The following UBR1 variants were observed in gnomAD, a reference collection of about 807,000 sequenced individuals.
UBR1 encodes the protein ubiquitin protein ligase E3 component n-recognin 1.
UBR1 carries 102 observed loss-of-function variants against 242.1 expected under a neutral mutation model. That is an observed-to-expected ratio of 0.42 (90% CI 0.36 to 0.50). The LOEUF (loss-of-function observed/expected upper bound fraction) is 0.50. Ranked by LOEUF, UBR1 falls within the 20% of genes least tolerant of loss-of-function variation. The pLI is 0.01. For synonymous variants in UBR1, 675 were observed against 684.8 expected, an observed-to-expected ratio of 0.99 and a Z score of 0.22; for missense variants, 1,772 against 2,101.8, an observed-to-expected ratio of 0.84 and a Z score of 3.07.
At position 43,058,422 on chromosome 15, in the gene UBR1, A is replaced by T. The variant is rs751730584; in HGVS notation, c.1101T>A (p.Arg367=). The change falls in exon 10 of 47, where the codon CGT becomes CGA. Residue 367 remains arginine (R), a synonymous_variant. Transcript: ENST00000290650. ...TGAAGATCAATTCATGAAGGATCTT[A>T]CGGGCACCTATAGATTATTTTGGGG... ...LWDAKLYKGA[R]KILHELIFSS... is the part of the protein sequence containing the mutation. 2 of 1,610,456 alleles carry T rather than the reference A, an allele frequency of 1.2e-6. No homozygotes were observed. Among genetic ancestry groups the T allele is most frequent in the Non-Finnish European group, 1.7e-6 (2 of 1,178,038 alleles).
At position 43,056,395 on chromosome 15, in the gene UBR1, T is replaced by TC; in HGVS notation, c.1229dup (p.Ser411LysfsTer23). 6.2e-7 allele frequency: 1 copy of TC among 1,612,610 alleles called. No individual in the cohort carries two copies. The highest frequency in any genetic ancestry group is 8.5e-7 in the Non-Finnish European group (1 of 1,178,732). On this transcript the variant is annotated frameshift_variant, in exon 11 of 47. Coordinates refer to ENST00000290650, the MANE Select transcript of UBR1 (RefSeq NM_174916.3). LOFTEE classifies it high-confidence loss of function. ...CTGAAAGTGCAGTTATAGAGATACT[T>TC]CTGTCATGATCATCACTGATATATT...
chr15:43,019,904 G>A (rs752899231), intron 27 of UBR1, among the ~76,000 whole-genome samples: 9 of 149,716 alleles, frequency 6.0e-5, no homozygotes, highest in East Asian at 2.0e-4. Context: ...GTGCCTGGCC[G>A]GTTTTATGTT....
chr15:43,050,724 A>T (rs1433631360), intron 12 of UBR1, among the ~76,000 whole-genome samples: 2 of 77,164 alleles, frequency 2.6e-5, no homozygotes, highest in East Asian at 5.6e-4. Context: ...ACTCCGTCTT[A>T]AAAAAAAAAA....
chr15:42,989,071 C>T, intron 34 of UBR1, 104 bp from the exon 35 acceptor site: 1 of 970,110 alleles, frequency 1.0e-6, no homozygotes, highest in Non-Finnish European at 1.6e-6. Context: ...CTGCTTTCAA[C>T]ATAAGTAAAC....
At chr15:42,995,398 G>A (rs558900989) in intron 33 of UBR1, among the ~76,000 whole-genome samples, 5 of 151,814 alleles carry the variant, frequency 3.3e-5, no homozygotes, top group South Asian at 2.1e-4. Flanking sequence ...GGTGGCTCAC[G>A]CCTGTAATCC....
At chr15:42,954,984 T>C (rs2031895534) in intron 44 of UBR1, among the ~76,000 whole-genome samples, 1 of 152,110 alleles carries the variant, frequency 6.6e-6, no homozygotes, top group Middle Eastern at 3.4e-3. Context: ...CTGGCCAAGA[T>C]AGTGAAACCC....
intron 6 of UBR1, among the ~76,000 whole-genome samples, chr15:43,063,859 C>G (rs1424665208): frequency 2.6e-5 from 4 of 152,146 alleles, no homozygotes; most frequent in African/African-American, 9.7e-5. Flanking sequence ...GCCTCAGCCT[C>G]CCAAGTAGCT....
intron 13 of UBR1, among the ~76,000 whole-genome samples, chr15:43,047,771 C>T (rs1268876812): frequency 6.6e-6 from 1 of 152,158 alleles, no homozygotes; most frequent in Non-Finnish European, 1.5e-5. Flanking sequence ...GTGCTTGCTG[C>T]ACATGCAAGT....
intron 33 of UBR1, among the ~76,000 whole-genome samples, chr15:42,997,164 T>A (rs1053975019): frequency 2.6e-5 from 4 of 152,166 alleles, no homozygotes; most frequent in Admixed American, 2.0e-4. Flanking sequence ...TAGATTCTCA[T>A]AGGAGCGCAA....
At chr15:43,058,480 A>G (rs1475623843) in intron 9 of UBR1, 51 bp from the exon 10 acceptor site, 3 of 1,293,216 alleles carry the variant, frequency 2.3e-6, no homozygotes, top group Admixed American at 1.8e-5. Context: ...CACCAAGGCA[A>G]AAACCAAAAA....
At chr15:43,022,108 T>C (rs1470707116) in intron 26 of UBR1, among the ~76,000 whole-genome samples, 1 of 152,128 alleles carries the variant, frequency 6.6e-6, no homozygotes, top group African/African-American at 2.4e-5. Context: ...AATAGGTTTT[T>C]GATGTCTTCA....
At chr15:42,993,177 C>A (rs1413009473) in intron 33 of UBR1, among the ~76,000 whole-genome samples, 1 of 152,054 alleles carries the variant, frequency 6.6e-6, no homozygotes, top group Non-Finnish European at 1.5e-5. Flanking sequence ...CTCAGCTGTT[C>A]TTGAGTGAAA....
intron 37 of UBR1, among the ~76,000 whole-genome samples, chr15:42,982,877 A>G (rs1475437041): frequency 6.6e-6 from 1 of 152,214 alleles, no homozygotes; most frequent in Admixed American, 6.5e-5. Flanking sequence ...TTTGGGACTT[A>G]TGAACAAACA....
rs8028608 is a variant in UBR1 at position 43,099,877 on chromosome 15, C to A, written c.81+6065G>T. On this transcript the variant is annotated intron_variant, in intron 1 of 46. Coordinates refer to ENST00000290650, the MANE Select transcript of UBR1 (RefSeq NM_174916.3). ...GTGCTATAGGAACACACAAGAGGTGCCTCTTTTTTTTTTTTTTAGACGGAG... is the reference window on the plus strand; with the variant it reads ...GTGCTATAGGAACACACAAGAGGTGACTCTTTTTTTTTTTTTTAGACGGAG... Among the ~76,000 whole-genome samples the A allele has an allele frequency of 6.8e-4, 103 of 150,458 alleles. 2 individuals carry two copies. In the South Asian group the frequency reaches 0.021, roughly 30 times the overall value.
chr15:43,059,625 C>T, intron 8 of UBR1, 77 bp downstream of exon 8: 1 of 1,454,688 alleles, frequency 6.9e-7, no homozygotes, highest in Non-Finnish European at 9.5e-7. Flanking sequence ...ATTTCATACT[C>T]AATGACATTT....
At chr15:43,013,308 C>G (rs1448114997) in intron 29 of UBR1, among the ~76,000 whole-genome samples, 3 of 152,166 alleles carry the variant, frequency 2.0e-5, no homozygotes, top group Non-Finnish European at 4.4e-5. Context: ...TTCAAAGTAA[C>G]ATTATGTCTC....
At chr15:43,018,961 C>T (rs1236048404) in intron 27 of UBR1, among the ~76,000 whole-genome samples, 1 of 152,182 alleles carries the variant, frequency 6.6e-6, no homozygotes, top group African/African-American at 2.4e-5. Context: ...TTAATAGTTA[C>T]CTACTTTCGT....
chr15:43,069,141 G>A (rs1360319816), intron 5 of UBR1, among the ~76,000 whole-genome samples: 1 of 152,182 alleles, frequency 6.6e-6, no homozygotes, highest in African/African-American at 2.4e-5. Context: ...CCTTAAGACA[G>A]CTCACCTAAT....
intron 29 of UBR1, among the ~76,000 whole-genome samples, chr15:43,014,912 C>A (rs566778810): frequency 1.3e-5 from 2 of 150,992 alleles, no homozygotes; most frequent in East Asian, 2.0e-4. Flanking sequence ...CCAGCCACCC[C>A]GTCCGGGAGG....
Sources: allele counts gnomAD v4.1 joint callset (sites outside exome capture counted in the v4.1 genomes callset), GRCh38; gene constraint gnomAD v4.1.1; transcripts MANE v1.5; gene names NCBI Gene and HGNC (gene_info 2026-07-23, HGNC 2026-07-21).